Variants in L1TD1 observed in about 807,000 individuals in gnomAD.
The protein encoded by L1TD1 is LINE1 type transposase domain containing 1.
In L1TD1, 26 loss-of-function variants were observed where a neutral mutation model predicts 25.7. The observed-to-expected ratio is 1.01, with a 90% CI of 0.74 to 1.40. The LOEUF (loss-of-function observed/expected upper bound fraction) is 1.40, where lower values mean the gene tolerates loss of function less well. Ranked by LOEUF, L1TD1 falls within the 40% of genes most tolerant of loss-of-function variation. The pLI, the probability that L1TD1 is intolerant of heterozygous loss-of-function variation, is 0.00. For synonymous variants in L1TD1, 421 were observed against 335.6 expected, an observed-to-expected ratio of 1.25 and a Z score of -2.78; for missense variants, 1,130 against 975.0, an observed-to-expected ratio of 1.16 and a Z score of -2.12.
At chr1:62,199,278 A>C (rs1431884049) in intron 2 of L1TD1, among the ~76,000 whole-genome samples, 1 of 152,266 alleles carries the variant, frequency 6.6e-6, no homozygotes, top group African/African-American at 2.4e-5. Flanking sequence ...CAGGTGGATC[A>C]CCTGAGGTCA....
chr1:62,196,797 G>T (rs1321916865), intron 2 of L1TD1, among the ~76,000 whole-genome samples: 1 of 151,846 alleles, frequency 6.6e-6, no homozygotes, highest in African/African-American at 2.4e-5. Flanking sequence ...TTTGCCATTC[G>T]GCCAGGGTGG....
In L1TD1 at chr1:62,211,512, C is replaced by A; in HGVS notation, c.*140C>A. The A allele has an allele frequency of 7.4e-7, 1 of 1,360,000 alleles. No individual in the cohort carries two copies. 84.2% of individuals were successfully genotyped at this position (1,360,000 alleles called of 1,614,324 possible). A position where few individuals can be genotyped will look rare whatever the true frequency, so the allele number is the denominator to read the frequency against. On this transcript the variant is annotated 3_prime_UTR_variant, in exon 4 of 4. Transcript: ENST00000498273. ...TGGGGATGAGGAGCAAGGAATATTA[C>A]AGATATTACCTAGATGTTAATAAAG...
Position 62,211,287 on chromosome 1 carries a change from A to T in L1TD1, c.2513A>T (p.Lys838Met). ...KMAFDFRGKT[K>M]VFLSIEEFRD... ...GCATTTGATTTTAGGGGTAAAACAAAGGTATTTCTTAGTATTGAAGAATTT... is the reference window on the plus strand; with the variant it reads ...GCATTTGATTTTAGGGGTAAAACAATGGTATTTCTTAGTATTGAAGAATTT... The change falls in exon 4 of 4, where the codon AAG (lysine) becomes ATG (methionine). Residue 838 changes from lysine (K) to methionine (M), a missense_variant. Coordinates refer to ENST00000498273, the MANE Select transcript of L1TD1 (RefSeq NM_019079.5). 6.2e-7 allele frequency: 1 copy of T among 1,613,140 alleles called. No homozygotes were observed. Among genetic ancestry groups the T allele is most frequent in the Non-Finnish European group, 8.5e-7 (1 of 1,179,456 alleles).
At chr1:62,209,675 G>C in intron 3 of L1TD1, 108 bp from the exon 4 acceptor site, 1 of 967,684 alleles carries the variant, frequency 1.0e-6, no homozygotes, top group South Asian at 2.1e-5. Context: ...GATATTTTCT[G>C]TCAGAATTGA....
At chr1:62,206,400 C>CT in intron 2 of L1TD1, 119 bp from the exon 3 acceptor site, 1 of 265,012 alleles carries the variant, frequency 3.8e-6, no homozygotes, top group Non-Finnish European at 6.9e-6. Context: ...TGCTAGTGAA[C>CT]TTTTTATTAA....
Position 62,211,456 on chromosome 1 carries a change from A to G in L1TD1, c.*84A>G. The G allele has an allele frequency of 1.3e-6, 2 of 1,510,292 alleles. No individual in the cohort carries two copies. Among genetic ancestry groups the G allele is most frequent in the Middle Eastern group, 2.4e-4 (1 of 4,136 alleles). The allele number at this position is 1,510,292 out of a possible 1,614,324, so 93.6% of individuals were successfully genotyped here. A position where few individuals can be genotyped will look rare whatever the true frequency, so the allele number is the denominator to read the frequency against. On this transcript the variant is annotated 3_prime_UTR_variant, in exon 4 of 4. Coordinates refer to ENST00000498273, the MANE Select transcript of L1TD1 (RefSeq NM_019079.5). ...ACAAGTAAAACGAAAATACACTTCT[A>G]CCCAGAAGGATGGACAGCTAATAGC...
rs1670835161 is a variant in L1TD1, at chr1:62,210,160, T to C, written c.1386T>C (p.Ser462=). The C allele has an allele frequency of 1.2e-6, 2 of 1,613,982 alleles. No individual in the cohort carries two copies. Among genetic ancestry groups the C allele is most frequent in the Non-Finnish European group, 1.7e-6 (2 of 1,180,016 alleles). The change falls in exon 4 of 4, where the codon AGT becomes AGC. Residue 462 remains serine (S), a synonymous_variant. Coordinates refer to ENST00000498273, the MANE Select transcript of L1TD1 (RefSeq NM_019079.5). ...VDAKHEVEIT[S]DGMETTFIDS... is the part of the protein sequence containing the mutation. ...CAAAGCATGAAGTTGAGATAACCAG[T>C]GATGGCATGGAAACTACTTTCATTG...
At position 62,211,422 on chromosome 1, in the gene L1TD1, C is replaced by A; in HGVS notation, c.*50C>A. On this transcript the variant is annotated 3_prime_UTR_variant, in exon 4 of 4. Coordinates refer to ENST00000498273, the MANE Select transcript of L1TD1 (RefSeq NM_019079.5). ...ATGCTTTCCTCCCCCAGCATGCATCCAAAAATCAACAAGTAAAACGAAAAT... is the reference window on the plus strand; with the variant it reads ...ATGCTTTCCTCCCCCAGCATGCATCAAAAAATCAACAAGTAAAACGAAAAT... 1 of 1,520,240 alleles carries A rather than the reference C, an allele frequency of 6.6e-7. No individual in the cohort carries two copies. Among genetic ancestry groups the A allele is most frequent in the Non-Finnish European group, 8.8e-7 (1 of 1,139,680 alleles). The allele number at this position is 1,520,240 out of a possible 1,614,324, so 94.2% of individuals were successfully genotyped here. A position where few individuals can be genotyped will look rare whatever the true frequency, so the allele number is the denominator to read the frequency against.
intron 1 of L1TD1, among the ~76,000 whole-genome samples, chr1:62,195,836 C>G (rs1174945058): frequency 1.5e-5 from 2 of 130,304 alleles, no homozygotes; most frequent in African/African-American, 6.1e-5. Flanking sequence ...GTCAGGAGAT[C>G]GAGACCATCC....
intron 2 of L1TD1, among the ~76,000 whole-genome samples, chr1:62,205,443 A>ATTTT (rs1261055805): frequency 3.1e-5 from 2 of 63,662 alleles, no homozygotes; most frequent in African/African-American, 1.1e-4. Flanking sequence ...ATATATATAT[A>ATTTT]TTTTTTTTTA....
In L1TD1 at chr1:62,211,488, G is replaced by A; in HGVS notation, c.*116G>A. The A allele has an allele frequency of 6.8e-7, 1 of 1,472,554 alleles. No individual in the cohort carries two copies. Among genetic ancestry groups the A allele is most frequent in the Non-Finnish European group, 9.0e-7 (1 of 1,114,076 alleles). The allele number at this position is 1,472,554 out of a possible 1,614,324, so 91.2% of individuals were successfully genotyped here. A position where few individuals can be genotyped will look rare whatever the true frequency, so the allele number is the denominator to read the frequency against. ...AGGATGGACAGCTAATAGCGTACTT[G>A]GGGATGAGGAGCAAGGAATATTACA... On this transcript the variant is annotated 3_prime_UTR_variant, in exon 4 of 4. Coordinates refer to ENST00000498273, the MANE Select transcript of L1TD1 (RefSeq NM_019079.5).
chr1:62,206,454 A>G (rs1054796377), intron 2 of L1TD1, 65 bp from the exon 3 acceptor site: 11 of 568,014 alleles, frequency 1.9e-5, no homozygotes, highest in Admixed American at 7.9e-5. Flanking sequence ...AACTAAGCTC[A>G]TATTCTTACC....
intron 1 of L1TD1, among the ~76,000 whole-genome samples, chr1:62,195,893 C>T (rs1405707658): frequency 6.6e-6 from 1 of 151,776 alleles, no homozygotes; most frequent in Admixed American, 6.6e-5. Flanking sequence ...CAAAATTAGC[C>T]GGGTGTGTTG....
At chr1:62,200,877 C>T (rs1670627545) in intron 2 of L1TD1, among the ~76,000 whole-genome samples, 1 of 151,888 alleles carries the variant, frequency 6.6e-6, no homozygotes, top group Non-Finnish European at 1.5e-5. Context: ...TTTACATTGT[C>T]TTTCCTAAAA....
At chr1:62,201,772 T>C (rs1029570437) in intron 2 of L1TD1, among the ~76,000 whole-genome samples, 4 of 152,172 alleles carry the variant, frequency 2.6e-5, no homozygotes, top group African/African-American at 9.7e-5. Flanking sequence ...TCAGTCCATA[T>C]TCAGTACTCC....
chr1:62,209,918 T>C lies in L1TD1; in HGVS notation c.1144T>C (p.Ser382Pro). The change falls in exon 4 of 4, where the codon TCC becomes CCC. Residue 382 changes from serine to proline, a missense_variant. Physicochemically the swap from Ser to Pro is moderately conservative, Grantham distance 74. Coordinates refer to ENST00000498273, the MANE Select transcript of L1TD1 (RefSeq NM_019079.5). ...CTTAGAGACTCAAGAGGAAGAGTTTTCCGAGCTAGAGGAGCTGGATGAAGA... is the reference window on the plus strand; with the variant it reads ...CTTAGAGACTCAAGAGGAAGAGTTTCCCGAGCTAGAGGAGCTGGATGAAGA... ...KNLETQEEEF[S>P]ELEELDEEAS... is the part of the protein sequence containing the mutation. The C allele has an allele frequency of 1.2e-6, 2 of 1,613,548 alleles. No homozygotes were observed. Among genetic ancestry groups the C allele is most frequent in the Non-Finnish European group, 8.5e-7 (1 of 1,179,902 alleles).
In L1TD1 at chr1:62,211,368, C is replaced by A; in HGVS notation, c.2594C>A (p.Pro865His). The change falls in exon 4 of 4, where the codon CCT (proline) becomes CAT (histidine). Residue 865 changes from proline to histidine, a missense_variant. Transcript: ENST00000498273. ...TLRELLGNNI[P>H] ...AGAGAATTACTGGGGAATAATATAC[C>A]TTAGCACGCCAGGGTGACTACAAAC... 1.3e-6 allele frequency: 2 copies of A among 1,591,428 alleles called. No individual in the cohort carries two copies. Among genetic ancestry groups the A allele is most frequent in the South Asian group, 1.2e-5 (1 of 86,804 alleles).
At position 62,210,076 on chromosome 1, in the gene L1TD1, G is replaced by A; in HGVS notation, c.1302G>A (p.Glu434=). ...LEEDEASGLE[E]EEEQTSEQDS... ...AGGATGAGGCCTCAGGGCTAGAGGA[G>A]GAAGAGGAACAGACTTCAGAACAGG... The change falls in exon 4 of 4, where the codon GAG becomes GAA. Residue 434 remains glutamate, a synonymous_variant. Transcript: ENST00000498273. The A allele has an allele frequency of 6.2e-7, 1 of 1,614,018 alleles. No individual in the cohort carries two copies. The highest frequency in any genetic ancestry group is 8.5e-7 in the Non-Finnish European group (1 of 1,180,008).
chr1:62,208,504 A>C (rs1670795741), intron 3 of L1TD1: 1 of 129,526 alleles, frequency 7.7e-6, no homozygotes, highest in Non-Finnish European at 1.6e-5. Context: ...TTTTGAGATA[A>C]AGTCTTGCTC....
Sources: allele counts gnomAD v4.1 joint callset (sites outside exome capture counted in the v4.1 genomes callset), GRCh38; gene constraint gnomAD v4.1.1; transcripts MANE v1.5; gene names NCBI Gene and HGNC (gene_info 2026-07-23, HGNC 2026-07-21).